The following ZNF423 variants were observed in gnomAD, a reference collection of about 807,000 sequenced individuals.
ZNF423 encodes the protein zinc finger protein 423, also known as Ebf-associated zinc finger protein.
Under a neutral mutation model 95.8 loss-of-function variants are expected in ZNF423, and 12 were observed. The ratio of observed to expected loss-of-function variants is 0.13; its 90% confidence interval spans 0.08 to 0.20. ZNF423 has a LOEUF of 0.20. Among genes scored for constraint, ZNF423 ranks in the 10% least tolerant of loss-of-function variants. The probability of loss-of-function intolerance (pLI) is 1.00; values close to 1 mark genes in which losing one functional copy is unlikely to be tolerated. For synonymous variants in ZNF423, 749 were observed against 711.9 expected (o/e 1.05, Z -0.83); for missense variants, 1,316 against 1,737.1 (o/e 0.76, Z 4.31).
At position 49,523,685 on chromosome 16, in the gene ZNF423, T is replaced by C; in HGVS notation, c.3788A>G (p.Glu1263Gly). ...CTGTGAGCAGTCGTAGATCTTGTCC[T>C]CCTGCCCGTGCACGGCAAAGATGTG... ...QQHIFAVHGQ[E>G]DKIYDCSQCP... Residue 1263 changes from glutamate to glycine, a missense_variant, in exon 7 of 8, where the codon GAG becomes GGG. This residue lies in a region of ZNF423 where 75 missense variants were observed against 163.5 expected (regional missense o/e 0.46). Coordinates refer to ENST00000563137, the MANE Select transcript of ZNF423 (RefSeq NM_001379286.1). 6.2e-7 allele frequency: 1 copy of C among 1,614,206 alleles called. No homozygotes were observed. The highest frequency in any genetic ancestry group is 8.5e-7 in the Non-Finnish European group (1 of 1,180,036).
At chr16:49,591,536 AG>A (rs1454913400) in intron 5 of ZNF423, among the ~76,000 whole-genome samples, 17 of 151,592 alleles carry the variant, frequency 1.1e-4, no homozygotes. Flanking sequence ...GTGCAAAAAT[AG>A]GGCATTATAA....
intron 4 of ZNF423, among the ~76,000 whole-genome samples, chr16:49,631,587 C>T (rs1036499648): frequency 6.6e-6 from 1 of 152,194 alleles, no homozygotes; most frequent in Non-Finnish European, 1.5e-5. Context: ...AGGGCTGCCT[C>T]CCCCAACACA....
chr16:49,534,356 C>A (rs1968979603), intron 5 of ZNF423, among the ~76,000 whole-genome samples: 1 of 152,004 alleles, frequency 6.6e-6, no homozygotes, highest in Non-Finnish European at 1.5e-5. Context: ...TGGGCTCAAG[C>A]GATTCCCCTG....
rs200917880 is a variant in ZNF423 at position 49,781,222 on chromosome 16, A to AG, written c.100+8264dup. On this transcript the variant is annotated intron_variant, in intron 2 of 7. Transcript: ENST00000563137. Reference sequence around the variant, plus strand: ...GAGCCCCTGAGAAAATCTCCAAAGGAGAAAAAAAAAGACCACCCACACGAA... The same window carrying AG: ...GAGCCCCTGAGAAAATCTCCAAAGGAGGAAAAAAAAAGACCACCCACACGAA... Among the ~76,000 whole-genome samples the AG allele has an allele frequency of 8.1e-3, 1,234 of 152,324 alleles. 14 individuals are homozygous for AG. The highest frequency in any genetic ancestry group is 0.027 in the African/African-American group (1,106 of 41,574).
chr16:49,576,929 C>T (rs1970517961), intron 5 of ZNF423, among the ~76,000 whole-genome samples: 1 of 152,200 alleles, frequency 6.6e-6, no homozygotes, highest in African/African-American at 2.4e-5. Context: ...GATTACTAAA[C>T]ATTTACCAAA....
intron 3 of ZNF423, among the ~76,000 whole-genome samples, chr16:49,728,895 G>A (rs2033094078): frequency 6.6e-6 from 1 of 152,056 alleles, no homozygotes; most frequent in South Asian, 2.1e-4. Context: ...ATCACGCCTG[G>A]GTAATTTTTG....
At chr16:49,688,978 C>T (rs2031673976) in intron 3 of ZNF423, among the ~76,000 whole-genome samples, 1 of 152,212 alleles carries the variant, frequency 6.6e-6, no homozygotes, top group South Asian at 2.1e-4. Flanking sequence ...ACCTGCACTA[C>T]CCTGGCTCCC....
At chr16:49,741,265 C>T (rs943485401) in intron 2 of ZNF423, among the ~76,000 whole-genome samples, 6 of 151,650 alleles carry the variant, frequency 4.0e-5, no homozygotes, top group South Asian at 2.1e-4. Flanking sequence ...GGGGCCAAGG[C>T]GGGTGGATCA....
At chr16:49,712,761 C>T (rs11866093) in intron 3 of ZNF423, among the ~76,000 whole-genome samples, 13,649 of 152,310 alleles carry the variant, frequency 0.09, 944 homozygotes, top group South Asian at 0.27. Context: ...GGGAGCGGCG[C>T]GATCCGCGAG....
At chr16:49,667,960 G>A (rs1038426182) in intron 3 of ZNF423, among the ~76,000 whole-genome samples, 2 of 152,182 alleles carry the variant, frequency 1.3e-5, no homozygotes, top group African/African-American at 4.8e-5. Context: ...CAGAGGCAGT[G>A]TGCAAAGAGG....
At chr16:49,847,432 T>C (rs990178285) in intron 1 of ZNF423, 3 of 152,268 alleles carry the variant, frequency 2.0e-5, no homozygotes, top group Admixed American at 6.5e-5. Context: ...AAAAGAATGC[T>C]GTCCCCACAA....
intron 7 of ZNF423, among the ~76,000 whole-genome samples, chr16:49,513,959 C>T (rs571772982): frequency 2.2e-4 from 34 of 152,070 alleles, no homozygotes; most frequent in African/African-American, 7.5e-4. Flanking sequence ...GTAGGCGATG[C>T]GAGGCCAGCC....
At chr16:49,852,313 TAG>T (rs1179892006) in intron 1 of ZNF423, among the ~76,000 whole-genome samples, 1 of 152,138 alleles carries the variant, frequency 6.6e-6, no homozygotes, top group Non-Finnish European at 1.5e-5. Flanking sequence ...AGGCAGTTGC[TAG>T]AGAGAGAAAA....
chr16:49,663,494 T>C (rs1291475449), intron 3 of ZNF423, among the ~76,000 whole-genome samples: 1 of 152,176 alleles, frequency 6.6e-6, no homozygotes, highest in East Asian at 1.9e-4. Context: ...GCCGCCCCTG[T>C]GACTGGAGAG....
At chr16:49,666,509 C>T (rs2030552953) in intron 3 of ZNF423, among the ~76,000 whole-genome samples, 1 of 152,222 alleles carries the variant, frequency 6.6e-6, no homozygotes, top group Non-Finnish European at 1.5e-5. Flanking sequence ...GCCTATTCCA[C>T]ACACATAAAG....
At chr16:49,592,675 G>C (rs539893064) in intron 5 of ZNF423, among the ~76,000 whole-genome samples, 1 of 152,318 alleles carries the variant, frequency 6.6e-6, no homozygotes, top group South Asian at 2.1e-4. Flanking sequence ...AGTCAGCCAC[G>C]TGCAACCAGA....
At chr16:49,570,805 C>T (rs1970331765) in intron 5 of ZNF423, among the ~76,000 whole-genome samples, 1 of 152,186 alleles carries the variant, frequency 6.6e-6, no homozygotes, top group Non-Finnish European at 1.5e-5. Flanking sequence ...GTCGTGATAC[C>T]AGGGGCCAGA....
intron 1 of ZNF423, among the ~76,000 whole-genome samples, chr16:49,801,501 GC>G (rs2034582847): frequency 6.6e-6 from 1 of 152,336 alleles, no homozygotes; most frequent in African/African-American, 2.4e-5. Context: ...CTCTGAATAA[GC>G]AGTGAAGTGC....
chr16:49,647,781 C>T (rs1441873562), intron 3 of ZNF423, among the ~76,000 whole-genome samples: 1 of 152,230 alleles, frequency 6.6e-6, no homozygotes, highest in South Asian at 2.1e-4. Context: ...ACCTACAGAA[C>T]TCTAAGATAC....
Sources: allele counts gnomAD v4.1 joint callset (sites outside exome capture counted in the v4.1 genomes callset), GRCh38; gene constraint gnomAD v4.1.1; regional missense constraint gnomAD v4.1.1; transcripts MANE v1.5; gene names NCBI Gene and HGNC (gene_info 2026-07-23, HGNC 2026-07-21).